Variants in TMEM35A observed in about 807,000 individuals in gnomAD.
TMEM35A encodes transmembrane protein 35A.
For synonymous variants in TMEM35A, 50 were observed against 54.7 expected, an observed-to-expected ratio of 0.91 and a Z score of 0.38; for missense variants, 83 against 132.7, an observed-to-expected ratio of 0.63 and a Z score of 1.84.
Position 101,093,661 on chromosome X carries a change from T to A in TMEM35A, c.121-912T>A, listed in dbSNP as rs186425348. ...TATGATTTATAATCATAAATGCTTTTAAACTATAAAATCAAATTATTCGCC... is the reference window on the plus strand; with the variant it reads ...TATGATTTATAATCATAAATGCTTTAAAACTATAAAATCAAATTATTCGCC... On this transcript the variant is annotated intron_variant, in intron 1 of 1. Transcript: ENST00000372930. Among the ~76,000 whole-genome samples, 8 of 112,608 alleles carry A rather than the reference T, an allele frequency of 7.1e-5. No homozygotes were observed. The East Asian group carries it at 1.9e-3, about 27-fold the overall frequency.
chrX:101,089,679 C>T (rs1156443266), intron 1 of TMEM35A, among the ~76,000 whole-genome samples: 2 of 107,569 alleles, frequency 1.9e-5, no homozygotes, highest in African/African-American at 6.8e-5. Context: ...CTTTTGAGCC[C>T]CAGAGGTAGA....
In TMEM35A at chrX:101,095,277, T is replaced by G. The variant is rs977665731; in HGVS notation, c.*321T>G. 1.4e-5 allele frequency: 3 copies of G among 221,199 alleles called. No individual in the cohort carries two copies. Among genetic ancestry groups the G allele is most frequent in the South Asian group, 1.9e-4 (2 of 10,266 alleles). 18.2% of individuals were successfully genotyped at this position (221,199 alleles called of 1,213,427 possible). A position where few individuals can be genotyped will look rare whatever the true frequency, so the allele number is the denominator to read the frequency against. On this transcript the variant is annotated 3_prime_UTR_variant, in exon 2 of 2. Transcript: ENST00000372930. ...GTGAGATTGTGTGTGGGAAAATGTA[T>G]TTAACTACTCTGTGTGTGTGTGTGT... is the stretch of plus-strand genomic sequence containing the variant.
At chrX:101,092,892 T>G (rs2089328138) in intron 1 of TMEM35A, among the ~76,000 whole-genome samples, 1 of 110,936 alleles carries the variant, frequency 9.0e-6, no homozygotes, top group Admixed American at 9.6e-5. Context: ...TAAAATAAAA[T>G]AAAATTTAAG....
intron 1 of TMEM35A, among the ~76,000 whole-genome samples, chrX:101,083,678 G>A (rs2089298719): frequency 9.0e-6 from 1 of 111,630 alleles, no homozygotes; most frequent in Admixed American, 9.6e-5. Flanking sequence ...TCTCTGAGGT[G>A]GTACAGTACA....
At chrX:101,082,988 C>T (rs866967331) in intron 1 of TMEM35A, among the ~76,000 whole-genome samples, 1 of 111,357 alleles carries the variant, frequency 9.0e-6, no homozygotes, top group African/African-American at 3.3e-5. Context: ...TTTCATGTGC[C>T]CTTGTGGACA....
chrX:101,085,350 C>T (rs1283478344), intron 1 of TMEM35A, among the ~76,000 whole-genome samples: 2 of 112,236 alleles, frequency 1.8e-5, no homozygotes, highest in Non-Finnish European at 3.8e-5. Context: ...CCTGTAATCC[C>T]AGCACTTTGG....
intron 1 of TMEM35A, among the ~76,000 whole-genome samples, chrX:101,080,672 G>A (rs922019608): frequency 3.6e-5 from 4 of 110,165 alleles, no homozygotes; most frequent in South Asian, 4.0e-4. Context: ...GAGGGGAAAT[G>A]CCATTATATT....
chrX:101,094,975 A>G lies in TMEM35A; in HGVS notation c.*19A>G. 8.7e-7 allele frequency: 1 copy of G among 1,153,217 alleles called. No homozygotes were observed. Among genetic ancestry groups the G allele is most frequent in the Middle Eastern group, 2.8e-4 (1 of 3,547 alleles). ...GTCATAGAAAAGTGGAAGTGCAAAG[A>G]GTGGACCTTCCAGGCAGTTGCGTCC... On this transcript the variant is annotated 3_prime_UTR_variant, in exon 2 of 2. Coordinates refer to ENST00000372930, the MANE Select transcript of TMEM35A (RefSeq NM_021637.3).
intron 1 of TMEM35A, among the ~76,000 whole-genome samples, chrX:101,086,576 G>C (rs2089307871): frequency 8.9e-6 from 1 of 112,214 alleles, no homozygotes; most frequent in African/African-American, 3.2e-5. Flanking sequence ...TTTTCTCCAA[G>C]CAATTTAGTG....
chrX:101,084,782 T>A (rs1361729014), intron 1 of TMEM35A, among the ~76,000 whole-genome samples: 1 of 111,272 alleles, frequency 9.0e-6, no homozygotes, highest in Non-Finnish European at 1.9e-5. Context: ...GGAGAATTGC[T>A]TGAACCCAGG....
At position 101,078,909 on chromosome X, in the gene TMEM35A, G is replaced by C. The variant is rs995946442; in HGVS notation, c.-94G>C. On this transcript the variant is annotated 5_prime_UTR_variant, in exon 1 of 2. Coordinates refer to ENST00000372930, the MANE Select transcript of TMEM35A (RefSeq NM_021637.3). ...TCTAGCTGCCTGCTGCCTCCGCAGC[G>C]TCCCCCCAGCTCTCCCTGTGCTAAC... 2.4e-5 allele frequency: 27 copies of C among 1,113,519 alleles called. No individual in the cohort carries two copies. The highest frequency in any genetic ancestry group is 3.3e-5 in the Non-Finnish European group (27 of 824,016). The allele number at this position is 1,113,519 out of a possible 1,213,427, so 91.8% of individuals were successfully genotyped here.
chrX:101,079,939 C>A (rs1465686748), intron 1 of TMEM35A, among the ~76,000 whole-genome samples: 1 of 111,912 alleles, frequency 8.9e-6, no homozygotes, highest in African/African-American at 3.2e-5. Flanking sequence ...ATCTCCTCTG[C>A]AACCTGGGGG....
intron 1 of TMEM35A, among the ~76,000 whole-genome samples, chrX:101,092,676 A>G (rs763821349): frequency 1.8e-5 from 2 of 108,292 alleles, no homozygotes; most frequent in South Asian, 4.1e-4. Flanking sequence ...CCTGGCCAAC[A>G]TGGCGAAACC....
At chrX:101,081,297 C>T (rs1045860315) in intron 1 of TMEM35A, among the ~76,000 whole-genome samples, 1 of 112,263 alleles carries the variant, frequency 8.9e-6, no homozygotes, top group Admixed American at 9.5e-5. Context: ...CATTGAGCAT[C>T]GGGCCATAGA....
chrX:101,078,979 G>T lies in TMEM35A; in HGVS notation c.-24G>T. 1 of 1,211,239 alleles carries T rather than the reference G, an allele frequency of 8.3e-7. No homozygotes were observed. Among genetic ancestry groups the T allele is most frequent in the Non-Finnish European group, 1.1e-6 (1 of 895,249 alleles). ...GCGGGTGCGCAAATCAGAAGGATTA[G>T]TTGGGACCTGCCTTGGCGACCCCAT... is the stretch of plus-strand genomic sequence containing the variant. On this transcript the variant is annotated 5_prime_UTR_variant, in exon 1 of 2. Coordinates refer to ENST00000372930, the MANE Select transcript of TMEM35A (RefSeq NM_021637.3).
intron 1 of TMEM35A, among the ~76,000 whole-genome samples, chrX:101,084,435 C>T (rs2089300912): frequency 1.7e-5 from 1 of 58,613 alleles, no homozygotes; most frequent in South Asian, 1.3e-3. Flanking sequence ...TCAGTGCTTT[C>T]TTCTGCTTTC....
Position 101,095,314 on chromosome X carries a change from C to T in TMEM35A, c.*358C>T, listed in dbSNP as rs774423538. 2,791 of 108,130 alleles carry T rather than the reference C, an allele frequency of 0.026. 121 individuals carry two copies. The highest frequency in any genetic ancestry group is 0.11 in the African/African-American group (2,509 of 23,404). The allele number at this position is 108,130 out of a possible 1,213,427, so 8.9% of individuals were successfully genotyped here. A position where few individuals can be genotyped will look rare whatever the true frequency, so the allele number is the denominator to read the frequency against. ...GTGTGTGTGTGTGTGTGTGTGTGCG[C>T]GCGCGCGCGCACGCGCACACACTCA... is the stretch of plus-strand genomic sequence containing the variant. On this transcript the variant is annotated 3_prime_UTR_variant, in exon 2 of 2. Transcript: ENST00000372930.
chrX:101,086,511 G>C (rs764264613), intron 1 of TMEM35A, among the ~76,000 whole-genome samples: 12 of 112,024 alleles, frequency 1.1e-4, no homozygotes, highest in Non-Finnish European at 2.3e-4. Context: ...TCTCCAAAAT[G>C]CTCATTTGAT....
At chrX:101,094,549 T>G in intron 1 of TMEM35A, 24 bp from the exon 2 acceptor site, 9 of 1,166,708 alleles carry the variant, frequency 7.7e-6, no homozygotes, top group Non-Finnish European at 1.0e-5. Context: ...ATGCAGTAAT[T>G]TCCTTACAAT....
Sources: allele counts gnomAD v4.1 joint callset (sites outside exome capture counted in the v4.1 genomes callset), GRCh38; gene constraint gnomAD v4.1.1; transcripts MANE v1.5; gene names NCBI Gene and HGNC (gene_info 2026-07-23, HGNC 2026-07-21).